Variants in DSCAM observed in about 807,000 individuals in gnomAD.
The protein encoded by DSCAM is DS cell adhesion molecule, also known as cell adhesion molecule DSCAM.
In DSCAM, 47 loss-of-function variants were observed where a neutral mutation model predicts 217.7. That is an observed-to-expected ratio of 0.22 (90% CI 0.17 to 0.28). DSCAM has a LOEUF of 0.28. Ranked by LOEUF, DSCAM falls within the 10% of genes least tolerant of loss-of-function variation. The pLI is 1.00. For synonymous variants in DSCAM, 1,056 were observed against 1,015.3 expected (o/e 1.04, Z -0.76); for missense variants, 2,080 against 2,618.3 (o/e 0.79, Z 4.49).
intron 3 of DSCAM, among the ~76,000 whole-genome samples, chr21:40,590,960 C>A (rs1355954679): frequency 6.6e-6 from 1 of 151,762 alleles, no homozygotes. Context: ...GTGTCCCCAC[C>A]CAAAATCTCA....
intron 1 of DSCAM, among the ~76,000 whole-genome samples, chr21:40,782,800 G>C (rs757361262): frequency 1.1e-4 from 16 of 152,136 alleles, no homozygotes; most frequent in Non-Finnish European, 2.1e-4. Context: ...GATTCAGTCT[G>C]TACTTATTAA....
chr21:40,102,831 C>G (rs2089771313), intron 20 of DSCAM, among the ~76,000 whole-genome samples: 1 of 152,198 alleles, frequency 6.6e-6, no homozygotes, highest in Non-Finnish European at 1.5e-5. Context: ...GGGGCTAAGT[C>G]TGCCCTTTGT....
At chr21:40,220,501 T>C (rs1342157456) in intron 11 of DSCAM, among the ~76,000 whole-genome samples, 1 of 152,230 alleles carries the variant, frequency 6.6e-6, no homozygotes, top group African/African-American at 2.4e-5. Context: ...ATTCAAGAGA[T>C]AAATTAGCTT....
At chr21:40,700,493 C>A (rs1345780749) in intron 2 of DSCAM, among the ~76,000 whole-genome samples, 1 of 152,092 alleles carries the variant, frequency 6.6e-6, no homozygotes, top group East Asian at 1.9e-4. Flanking sequence ...GTGAAACTCA[C>A]CTTGCATTAT....
At position 40,681,549 on chromosome 21, in the gene DSCAM, CCAG is replaced by C. The variant is rs560746689; in HGVS notation, c.508+11258_508+11260del. Among the ~76,000 whole-genome samples, 15 of 149,690 alleles carry C rather than the reference CCAG, an allele frequency of 1.0e-4. No individual in the cohort carries two copies. In the East Asian group the frequency reaches 2.8e-3, roughly 28 times the overall value. On this transcript the variant is annotated intron_variant, in intron 3 of 32. Transcript: ENST00000400454. The stretch of plus-strand genomic sequence containing the variant: ...TATTTATCAGTTGTCTACTGTGTGT[CCAG>C]CAGGAGATGGAAAGATATAAAATGT...
At chr21:40,793,683 G>A (rs972576276) in intron 1 of DSCAM, among the ~76,000 whole-genome samples, 1 of 151,996 alleles carries the variant, frequency 6.6e-6, no homozygotes, top group Non-Finnish European at 1.5e-5. Flanking sequence ...TAGAGACGGG[G>A]TTCCACCATG....
At chr21:40,292,717 G>A (rs1432447989) in intron 10 of DSCAM, among the ~76,000 whole-genome samples, 1 of 151,870 alleles carries the variant, frequency 6.6e-6, no homozygotes, top group East Asian at 1.9e-4. Context: ...TGTGACAGAA[G>A]TCATTAGAAG....
chr21:40,427,979 C>G (rs2075491639), intron 3 of DSCAM, among the ~76,000 whole-genome samples: 1 of 152,136 alleles, frequency 6.6e-6, no homozygotes, highest in Admixed American at 6.5e-5. Flanking sequence ...AGACCTTGAC[C>G]CATTATACTT....
chr21:40,724,988 C>G (rs2090939404), intron 1 of DSCAM, among the ~76,000 whole-genome samples: 1 of 151,854 alleles, frequency 6.6e-6, no homozygotes, highest in South Asian at 2.1e-4. Flanking sequence ...TGCAAATACA[C>G]CCTAAGTCAT....
intron 3 of DSCAM, among the ~76,000 whole-genome samples, chr21:40,471,565 AT>A (rs376294247): frequency 4.6e-5 from 7 of 152,228 alleles, no homozygotes; most frequent in African/African-American, 1.4e-4. Flanking sequence ...GCTGGCTATG[AT>A]TTTTTTCTTA....
rs184850867 is a variant in DSCAM at position 40,347,973 on chromosome 21, A to G, written c.935-28T>C. 5,226 of 1,594,208 alleles carry G rather than the reference A, an allele frequency of 3.3e-3. 19 individuals carry two copies. Among genetic ancestry groups the G allele is most frequent in the Non-Finnish European group, 3.5e-3 (4,037 of 1,169,868 alleles). On this transcript the variant is annotated intron_variant, in intron 5 of 32. Coordinates refer to ENST00000400454, the MANE Select transcript of DSCAM (RefSeq NM_001389.5). ...GGAGGTTTTAGTAAGAGAGAGAGAAAAAAGATAAAAACATCACTAGATAGC... is the reference window on the plus strand; with the variant it reads ...GGAGGTTTTAGTAAGAGAGAGAGAAGAAAGATAAAAACATCACTAGATAGC...
chr21:40,775,362 T>C (rs2091479033), intron 1 of DSCAM, among the ~76,000 whole-genome samples: 1 of 152,152 alleles, frequency 6.6e-6, no homozygotes, highest in East Asian at 1.9e-4. Flanking sequence ...ACTGAAGGAA[T>C]ACCTAGAAAC....
At chr21:40,013,674 A>G (rs777152089) in intron 32 of DSCAM, among the ~76,000 whole-genome samples, 23 of 152,116 alleles carry the variant, frequency 1.5e-4, no homozygotes, top group Admixed American at 3.3e-4. Context: ...CCTTCAACAC[A>G]CCATCGTTGA....
In DSCAM at chr21:40,638,069, G is replaced by C. The variant is rs554215465; in HGVS notation, c.508+54741C>G. ...GGCAAAAGTAGCTATAGTTCTATGAGAACATCATAGAACTTAGTCTTTCTT... is the reference window on the plus strand; with the variant it reads ...GGCAAAAGTAGCTATAGTTCTATGACAACATCATAGAACTTAGTCTTTCTT... On this transcript the variant is annotated intron_variant, in intron 3 of 32. Transcript: ENST00000400454. Among the ~76,000 whole-genome samples the C allele has an allele frequency of 3.3e-5, 5 of 152,126 alleles. No homozygotes were observed. In the South Asian group the frequency reaches 1.0e-3, roughly 32 times the overall value.
intron 3 of DSCAM, among the ~76,000 whole-genome samples, chr21:40,504,717 C>T (rs142181028): frequency 5.9e-5 from 9 of 152,244 alleles, no homozygotes; most frequent in Non-Finnish European, 1.2e-4. Flanking sequence ...CTGGACTCCC[C>T]CTTGAATGGT....
chr21:40,532,071 T>G (rs1440764732), intron 3 of DSCAM, among the ~76,000 whole-genome samples: 1 of 152,218 alleles, frequency 6.6e-6, no homozygotes, highest in Admixed American at 6.5e-5. Flanking sequence ...GTTCTTACTT[T>G]TTGCTTTGAT....
chr21:40,105,386 C>A (rs1003118509), intron 20 of DSCAM, among the ~76,000 whole-genome samples: 1 of 152,204 alleles, frequency 6.6e-6, no homozygotes, highest in Admixed American at 6.5e-5. Context: ...CCACAATCCC[C>A]ATGTGCCGTG....
chr21:40,804,774 C>T (rs2091771095), intron 1 of DSCAM, among the ~76,000 whole-genome samples: 1 of 152,108 alleles, frequency 6.6e-6, no homozygotes, highest in African/African-American at 2.4e-5. Flanking sequence ...TCTTTAGAGA[C>T]CTCTACTATA....
chr21:40,797,365 C>T (rs887067697), intron 1 of DSCAM, among the ~76,000 whole-genome samples: 2 of 152,082 alleles, frequency 1.3e-5, no homozygotes, highest in African/African-American at 4.8e-5. Flanking sequence ...GTTGCGAAAC[C>T]CAGTAGCAGT....
Sources: allele counts gnomAD v4.1 joint callset (sites outside exome capture counted in the v4.1 genomes callset), GRCh38; gene constraint gnomAD v4.1.1; transcripts MANE v1.5; gene names NCBI Gene and HGNC (gene_info 2026-07-23, HGNC 2026-07-21).